The following FAM171A1 variants were observed in gnomAD, a reference collection of about 807,000 sequenced individuals.
The protein encoded by FAM171A1 is family with sequence similarity 171 member A1, also known as protein FAM171A1.
A neutral mutation model predicts 74.9 loss-of-function variants in FAM171A1; 23 were observed. That is an observed-to-expected ratio of 0.31 (90% CI 0.22 to 0.44). The LOEUF is 0.44. Ranked by LOEUF, FAM171A1 falls within the 20% of genes least tolerant of loss-of-function variation. FAM171A1 has a pLI of 1.00. For synonymous variants in FAM171A1, 527 were observed against 505.7 expected, an observed-to-expected ratio of 1.04 and a Z score of -0.57; for missense variants, 1,162 against 1,159.2, an observed-to-expected ratio of 1.00 and a Z score of -0.03.
intron 3 of FAM171A1, among the ~76,000 whole-genome samples, chr10:15,258,734 T>G (rs1158682657): frequency 6.6e-6 from 1 of 152,218 alleles, no homozygotes; most frequent in East Asian, 1.9e-4. Flanking sequence ...TTGCCCCTCC[T>G]GCCCACAATC....
chr10:15,273,937 G>A (rs13211590), intron 3 of FAM171A1, among the ~76,000 whole-genome samples: 40,655 of 152,002 alleles, frequency 0.27, 5,683 homozygotes, highest in Admixed American at 0.4. Context: ...CACAGTGAAC[G>A]GGCAAAAACT....
intron 1 of FAM171A1, among the ~76,000 whole-genome samples, chr10:15,355,071 G>C (rs1168765365): frequency 1.3e-5 from 2 of 152,202 alleles, no homozygotes; most frequent in Non-Finnish European, 2.9e-5. Flanking sequence ...AAGCTGCTTA[G>C]GGATTAAGAT....
chr10:15,374,321 G>C (rs1836179782), upstream of FAM171A1, among the ~76,000 whole-genome samples: 1 of 152,174 alleles, frequency 6.6e-6, no homozygotes. Flanking sequence ...GCCAAAAACA[G>C]GGCTGGGGCC....
chr10:15,216,086 G>T lies in FAM171A1; in HGVS notation c.896C>A (p.Thr299Asn), dbSNP rs1833963259. The T allele has an allele frequency of 6.2e-7, 1 of 1,604,612 alleles. No individual in the cohort carries two copies. The highest frequency in any genetic ancestry group is 8.5e-7 in the Non-Finnish European group (1 of 1,177,976). ...CAAAAGAAACACCGTGTGATACGTG[G>T]TAATGTCCTGTGTTACAACGGGACC... is the stretch of plus-strand genomic sequence containing the variant. ...IPGPVVTQDITTYHTVFLLAI... is the reference protein window; with the variant it reads ...IPGPVVTQDINTYHTVFLLAI... Residue 299 changes from threonine (T) to asparagine (N), a missense_variant, in exon 7 of 8, where the codon ACC becomes AAC. Thr to Asn is a moderately conservative substitution (Grantham distance 65). Coordinates refer to ENST00000378116, the MANE Select transcript of FAM171A1 (RefSeq NM_001010924.2).
chr10:15,269,463 C>A (rs1289382925), intron 3 of FAM171A1, among the ~76,000 whole-genome samples: 1 of 152,054 alleles, frequency 6.6e-6, no homozygotes, highest in East Asian at 1.9e-4. Context: ...CACAGAAATG[C>A]ATTTTACACA....
At position 15,212,867 on chromosome 10, in the gene FAM171A1, G is replaced by C. The variant is rs1833908617; in HGVS notation, c.*48C>G. On this transcript the variant is annotated 3_prime_UTR_variant, in exon 8 of 8. Transcript: ENST00000378116. ...AACGGGTACGCGCTTCCATGAGAAA[G>C]GATATTTGGCAATTTTATATTCCAC... 6.2e-7 allele frequency: 1 copy of C among 1,602,014 alleles called. No homozygotes were observed. Among genetic ancestry groups the C allele is most frequent in the Non-Finnish European group, 8.5e-7 (1 of 1,176,258 alleles).
intron 5 of FAM171A1, among the ~76,000 whole-genome samples, chr10:15,222,843 C>T (rs559559689): frequency 3.9e-5 from 6 of 152,368 alleles, no homozygotes; most frequent in African/African-American, 1.2e-4. Flanking sequence ...TCGGCATCTC[C>T]CCCTTCCCAC....
intron 1 of FAM171A1, among the ~76,000 whole-genome samples, chr10:15,351,128 G>A (rs775013720): frequency 3.3e-5 from 5 of 152,076 alleles, no homozygotes; most frequent in South Asian, 4.1e-4. Context: ...ATAGGAACTC[G>A]AGGCCCTGAA....
chr10:15,302,045 T>G (rs951970836), intron 1 of FAM171A1, among the ~76,000 whole-genome samples: 9 of 152,178 alleles, frequency 5.9e-5, no homozygotes, highest in Admixed American at 5.2e-4. Flanking sequence ...GTTTTCAAAT[T>G]CTTAAATCAC....
At chr10:15,298,654 C>A (rs781351250) in intron 1 of FAM171A1, among the ~76,000 whole-genome samples, 2 of 152,078 alleles carry the variant, frequency 1.3e-5, no homozygotes, top group South Asian at 2.1e-4. Flanking sequence ...GCCATAGTTC[C>A]AACTTTTAAG....
At chr10:15,237,731 C>T (rs1224023025) in intron 5 of FAM171A1, 1 of 151,904 alleles carries the variant, frequency 6.6e-6, no homozygotes, top group Non-Finnish European at 1.5e-5. Context: ...GGGTTCTTTG[C>T]TATCTGTGAT....
intron 1 of FAM171A1, among the ~76,000 whole-genome samples, chr10:15,354,684 C>T (rs555667941): frequency 2.2e-3 from 331 of 152,316 alleles, no homozygotes; most frequent in Non-Finnish European, 3.9e-3. Context: ...TGACCCAGCA[C>T]CGTGGGCCTC....
chr10:15,248,542 T>G (rs1834463665), intron 5 of FAM171A1, 97 bp downstream of exon 5: 2 of 1,339,594 alleles, frequency 1.5e-6, no homozygotes, highest in Non-Finnish European at 2.0e-6. Context: ...ATTCACTGAC[T>G]TCAAGGAAAG....
intron 1 of FAM171A1, among the ~76,000 whole-genome samples, chr10:15,309,798 C>G (rs1394605902): frequency 1.3e-5 from 2 of 152,194 alleles, no homozygotes; most frequent in East Asian, 3.8e-4. Flanking sequence ...ATGTGAAAAA[C>G]AAATGAATTA....
intron 3 of FAM171A1, among the ~76,000 whole-genome samples, chr10:15,255,757 C>T (rs965112279): frequency 6.6e-6 from 1 of 151,998 alleles, no homozygotes; most frequent in Non-Finnish European, 1.5e-5. Flanking sequence ...AAGCGATTCC[C>T]CTGCCTCAGT....
intron 6 of FAM171A1, among the ~76,000 whole-genome samples, chr10:15,219,411 T>C (rs191024954): frequency 1.3e-5 from 2 of 152,374 alleles, no homozygotes; most frequent in East Asian, 3.9e-4. Context: ...AAGTTCATTT[T>C]AATGCGTGGG....
Position 15,248,767 on chromosome 10 carries a change from T to A in FAM171A1, c.626A>T (p.His209Leu). 6.2e-7 allele frequency: 1 copy of A among 1,613,322 alleles called. No individual in the cohort carries two copies. Reference protein sequence around the residue: ...DLTPVTAVSVHLLSSNGTPVL... With the variant: ...DLTPVTAVSVLLLSSNGTPVL... ...CGGCGTTCCATTACTGCTCAGCAAG[T>A]GGACGCTGACGGCTGTGACTGGGGT... Residue 209 changes from histidine (H) to leucine (L), a missense_variant, in exon 5 of 8, where the codon CAC becomes CTC. Physicochemically the swap from His to Leu is moderately conservative, Grantham distance 99. Coordinates refer to ENST00000378116, the MANE Select transcript of FAM171A1 (RefSeq NM_001010924.2).
At chr10:15,259,223 C>G (rs1174721411) in intron 3 of FAM171A1, among the ~76,000 whole-genome samples, 1 of 152,182 alleles carries the variant, frequency 6.6e-6, no homozygotes, top group Non-Finnish European at 1.5e-5. Flanking sequence ...TAACAAATTT[C>G]TTGCACCATA....
intron 5 of FAM171A1, among the ~76,000 whole-genome samples, chr10:15,236,234 A>C (rs1273623387): frequency 6.6e-6 from 1 of 151,646 alleles, no homozygotes; most frequent in Non-Finnish European, 1.5e-5. Context: ...TGGGATGTTA[A>C]ATTTAAAAAC....
Sources: allele counts gnomAD v4.1 joint callset (sites outside exome capture counted in the v4.1 genomes callset), GRCh38; gene constraint gnomAD v4.1.1; transcripts MANE v1.5; gene names NCBI Gene and HGNC (gene_info 2026-07-23, HGNC 2026-07-21).